Variants in SLC4A4 observed in about 807,000 individuals in gnomAD.
SLC4A4 encodes electrogenic sodium bicarbonate cotransporter 1.
SLC4A4 carries 27 observed loss-of-function variants against 111.5 expected under a neutral mutation model. The observed-to-expected ratio is 0.24, with a 90% CI of 0.18 to 0.33. The LOEUF (loss-of-function observed/expected upper bound fraction) is 0.33. Among genes scored for constraint, SLC4A4 ranks in the 10% least tolerant of loss-of-function variants. The probability of loss-of-function intolerance (pLI) is 1.00; values close to 1 mark genes in which losing one functional copy is unlikely to be tolerated. For synonymous variants in SLC4A4, 443 were observed against 463.4 expected (o/e 0.96, Z 0.57); for missense variants, 909 against 1,315.5 (o/e 0.69, Z 4.78).
chr4:71,500,118 C>A (rs555203714), intron 16 of SLC4A4, among the ~76,000 whole-genome samples: 1 of 152,308 alleles, frequency 6.6e-6, no homozygotes, highest in Admixed American at 6.5e-5. Context: ...TAATAACCAT[C>A]CCAACAGGTG....
intron 6 of SLC4A4, among the ~76,000 whole-genome samples, chr4:71,395,455 C>T (rs1455756076): frequency 6.6e-6 from 1 of 152,086 alleles, no homozygotes; most frequent in Non-Finnish European, 1.5e-5. Context: ...CATCTGGTTC[C>T]TGCATTTTTC....
intron 3 of SLC4A4, among the ~76,000 whole-genome samples, chr4:71,323,308 G>T (rs1306565222): frequency 6.6e-6 from 1 of 151,658 alleles, no homozygotes; most frequent in South Asian, 2.1e-4. Flanking sequence ...CCTTCTGGTG[G>T]TTTTTTTTCT....
Position 71,156,588 on chromosome 4 carries a change from G to GCGCACACACA in SLC4A4, c.-2+63797_-2+63798insGCACACACAC, listed in dbSNP as rs376043069. 2.0e-3 allele frequency among the ~76,000 whole-genome samples: 283 copies of GCGCACACACA among 138,554 alleles called. 2 individuals carry two copies. Among genetic ancestry groups the GCGCACACACA allele is most frequent in the African/African-American group, 7.2e-3 (264 of 36,620 alleles). 90.9% of individuals were successfully genotyped at this position (138,554 alleles called of 152,430 possible). On this transcript the variant is annotated intron_variant, in intron 2 of 26. Transcript: ENST00000649996. Reference sequence around the variant, plus strand: ...TGTGCGCGCATGCGCGCGCGCGCGCGCACACACACACACACACACACACAC... The same window carrying GCGCACACACA: ...TGTGCGCGCATGCGCGCGCGCGCGCGCGCACACACACACACACACACACACACACACACAC...
chr4:71,219,206 A>G lies in SLC4A4; in HGVS notation c.-1-17370A>G, dbSNP rs186336030. On this transcript the variant is annotated intron_variant, in intron 1 of 25. Coordinates refer to ENST00000264485, the MANE Select transcript of SLC4A4 (RefSeq NM_001098484.3). ...GTCAAGAGTTAGGCCTCTTGCCGCAATCGTTAGTTAAGTTGTGAATGCAAA... is the reference window on the plus strand; with the variant it reads ...GTCAAGAGTTAGGCCTCTTGCCGCAGTCGTTAGTTAAGTTGTGAATGCAAA... 1.2e-3 allele frequency among the ~76,000 whole-genome samples: 179 copies of G among 152,336 alleles called. 1 individual carries two copies. Among genetic ancestry groups the G allele is most frequent in the Non-Finnish European group, 2.1e-3 (144 of 68,024 alleles).
At chr4:71,156,165 A>G (rs1348691978) in intron 2 of SLC4A4, among the ~76,000 whole-genome samples, 1 of 152,228 alleles carries the variant, frequency 6.6e-6, no homozygotes, top group African/African-American at 2.4e-5. Flanking sequence ...AGAATTCCAC[A>G]GGGTGCCGCC....
chr4:71,501,764 C>T (rs763888605), intron 16 of SLC4A4, among the ~76,000 whole-genome samples: 90 of 147,872 alleles, frequency 6.1e-4, no homozygotes, highest in African/African-American at 2.0e-3. Context: ...CTGGTTCAAG[C>T]GATTCTCCTG....
At chr4:71,387,131 C>T (rs1217543538) in intron 6 of SLC4A4, among the ~76,000 whole-genome samples, 2 of 152,224 alleles carry the variant, frequency 1.3e-5, no homozygotes, top group Non-Finnish European at 2.9e-5. Flanking sequence ...TCCCTTACTC[C>T]TGCCTCCATT....
intron 2 of SLC4A4, among the ~76,000 whole-genome samples, chr4:71,122,853 C>T (rs760583732): frequency 1.1e-4 from 17 of 152,114 alleles, no homozygotes; most frequent in Non-Finnish European, 2.2e-4. Flanking sequence ...GTGTCTGCCT[C>T]ATGTCAATAT....
At chr4:71,079,695 G>C (rs568636891) in intron 1 of SLC4A4, among the ~76,000 whole-genome samples, 5 of 151,930 alleles carry the variant, frequency 3.3e-5, no homozygotes, top group Admixed American at 6.6e-5. Context: ...AGGATCACTT[G>C]AGCCTGGGAG....
chr4:71,086,244 A>G (rs202108261), intron 1 of SLC4A4, among the ~76,000 whole-genome samples: 8,452 of 151,614 alleles, frequency 0.056, 444 homozygotes, highest in African/African-American at 0.13. Context: ...TGATTTTTGC[A>G]TATTGATTTT....
At chr4:71,511,914 G>A (rs935050346) in intron 16 of SLC4A4, among the ~76,000 whole-genome samples, 4 of 151,862 alleles carry the variant, frequency 2.6e-5, no homozygotes, top group African/African-American at 4.8e-5. Context: ...AATGACCTTC[G>A]GTTTTATCCA....
chr4:71,536,490 A>T (rs1161326461), intron 18 of SLC4A4, among the ~76,000 whole-genome samples: 3 of 128,302 alleles, frequency 2.3e-5, no homozygotes, highest in Admixed American at 8.1e-5. Context: ...ATATATATGT[A>T]TATATTTATT....
intron 6 of SLC4A4, among the ~76,000 whole-genome samples, chr4:71,387,285 CTCT>C (rs1187416716): frequency 6.6e-6 from 1 of 152,116 alleles, no homozygotes; most frequent in Non-Finnish European, 1.5e-5. Context: ...ATTCTATCTG[CTCT>C]TCTTCTTCCA....
intron 1 of SLC4A4, among the ~76,000 whole-genome samples, chr4:71,197,935 T>C (rs1746081857): frequency 6.6e-6 from 1 of 152,214 alleles, no homozygotes; most frequent in East Asian, 1.9e-4. Flanking sequence ...ATTCACTTAT[T>C]TATTCATATC....
At chr4:71,345,131 T>A (rs1729211427) in intron 4 of SLC4A4, among the ~76,000 whole-genome samples, 1 of 152,080 alleles carries the variant, frequency 6.6e-6, no homozygotes, top group Non-Finnish European at 1.5e-5. Context: ...TTGAATATGG[T>A]AAAAAGGGTA....
chr4:71,252,816 A>G (rs1257722109), intron 2 of SLC4A4, among the ~76,000 whole-genome samples: 3 of 152,166 alleles, frequency 2.0e-5, no homozygotes, highest in African/African-American at 7.2e-5. Context: ...CTAAAATTGG[A>G]TTATGATGAT....
At position 71,473,224 on chromosome 4, in the gene SLC4A4, T is replaced by A. The variant is rs533272912; in HGVS notation, c.1903+254T>A. On this transcript the variant is annotated intron_variant, in intron 14 of 25. Coordinates refer to ENST00000264485, the MANE Select transcript of SLC4A4 (RefSeq NM_001098484.3). ...AATATTTTGAAATTAACTCAAACTG[T>A]GGGATTTGCAAGGAATTCATGTGTA... The A allele has an allele frequency of 3.5e-5, 22 of 634,464 alleles. No homozygotes were observed. In the Admixed American group the frequency reaches 5.6e-4, roughly 16 times the overall value. The allele number at this position is 634,464 out of a possible 1,614,324, so 39.3% of individuals were successfully genotyped here. A position where few individuals can be genotyped will look rare whatever the true frequency, so the allele number is the denominator to read the frequency against.
chr4:71,136,107 C>T (rs980991611), intron 2 of SLC4A4, among the ~76,000 whole-genome samples: 6 of 152,204 alleles, frequency 3.9e-5, no homozygotes, highest in African/African-American at 1.4e-4. Flanking sequence ...AGCTTTAGAG[C>T]CAAGCCCTTT....
At chr4:71,258,616 C>T (rs752136918) in intron 3 of SLC4A4, among the ~76,000 whole-genome samples, 11 of 152,162 alleles carry the variant, frequency 7.2e-5, no homozygotes, top group African/African-American at 2.7e-4. Context: ...CAGAGAAAGA[C>T]GTAAGCATTG....
Sources: allele counts gnomAD v4.1 joint callset (sites outside exome capture counted in the v4.1 genomes callset), GRCh38; gene constraint gnomAD v4.1.1; transcripts MANE v1.5; gene names NCBI Gene and HGNC (gene_info 2026-07-23, HGNC 2026-07-21).